NAALADL2: variants seen among roughly 807,000 people sequenced by gnomAD.
NAALADL2 encodes N-acetylated alpha-linked acidic dipeptidase like 2, also known as inactive N-acetylated-alpha-linked acidic dipeptidase-like protein 2.
A neutral mutation model predicts 87.2 loss-of-function variants in NAALADL2; 76 were observed. The ratio of observed to expected loss-of-function variants is 0.87; its 90% CI spans 0.72 to 1.05. NAALADL2 has a LOEUF of 1.05. Ranked by LOEUF, NAALADL2 falls within the 50% of genes least tolerant of loss-of-function variation. The pLI, the probability that NAALADL2 is intolerant of heterozygous loss-of-function variation, is 0.00. For missense variants in NAALADL2, 1,089 were observed against 945.8 expected (o/e 1.15, Z -1.99); for synonymous variants, 354 against 331.0 (o/e 1.07, Z -0.75).
chr3:175,262,931 T>C (rs1463533), intron 4 of NAALADL2, among the ~76,000 whole-genome samples: 6,284 of 151,094 alleles, frequency 0.042, 259 homozygotes, highest in Admixed American at 0.12. Flanking sequence ...CTTGGTACTT[T>C]AAAATAACAT....
chr3:175,699,904 A>G (rs1364928153), intron 11 of NAALADL2, among the ~76,000 whole-genome samples: 1 of 152,164 alleles, frequency 6.6e-6, no homozygotes, highest in East Asian at 1.9e-4. Context: ...GTCAGAGGAC[A>G]GGAGATTCAA....
intron 9 of NAALADL2, among the ~76,000 whole-genome samples, chr3:175,480,960 T>C (rs766292968): frequency 7.2e-5 from 11 of 151,920 alleles, no homozygotes; most frequent in Non-Finnish European, 1.3e-4. Context: ...AAAACATAAT[T>C]CGTCACCTAT....
intron 13 of NAALADL2, among the ~76,000 whole-genome samples, chr3:175,789,824 A>G (rs905391970): frequency 6.6e-6 from 1 of 152,152 alleles, no homozygotes; most frequent in African/African-American, 2.4e-5. Context: ...TGTATTTCAG[A>G]TAGTACCACA....
At chr3:175,539,722 T>C (rs1049160344) in intron 9 of NAALADL2, among the ~76,000 whole-genome samples, 1 of 152,078 alleles carries the variant, frequency 6.6e-6, no homozygotes, top group Admixed American at 6.6e-5. Context: ...GGCAGATTGT[T>C]CATAGTGTTA....
intron 2 of NAALADL2, among the ~76,000 whole-genome samples, chr3:174,655,752 AC>A (rs1724853098): frequency 6.6e-6 from 1 of 152,234 alleles, no homozygotes; most frequent in Non-Finnish European, 1.5e-5. Flanking sequence ...TTAAAAACAT[AC>A]TGTCTATATT....
intron 2 of NAALADL2, among the ~76,000 whole-genome samples, chr3:175,144,566 CT>C (rs1730491674): frequency 6.6e-6 from 1 of 151,912 alleles, no homozygotes; most frequent in African/African-American, 2.4e-5. Context: ...GAGATGGCCA[CT>C]TTTAGCACCT....
At chr3:174,916,671 A>C (rs2108328267) in intron 1 of NAALADL2, among the ~76,000 whole-genome samples, 1 of 152,206 alleles carries the variant, frequency 6.6e-6, no homozygotes, top group African/African-American at 2.4e-5. Flanking sequence ...CTATGAGGAC[A>C]CAGAGGCATA....
chr3:175,359,465 C>G (rs1190085307), intron 5 of NAALADL2, among the ~76,000 whole-genome samples: 7 of 152,018 alleles, frequency 4.6e-5, no homozygotes, highest in African/African-American at 1.7e-4. Context: ...GTGGTAATAA[C>G]TAAAATTCAT....
chr3:174,544,258 C>G (rs1578133416), intron 1 of NAALADL2, among the ~76,000 whole-genome samples: 1 of 152,120 alleles, frequency 6.6e-6, no homozygotes, highest in Non-Finnish European at 1.5e-5. Context: ...TTTTCTAGCT[C>G]TGACATCCAG....
At chr3:175,161,998 G>A (rs1221554812) in intron 2 of NAALADL2, among the ~76,000 whole-genome samples, 1 of 152,044 alleles carries the variant, frequency 6.6e-6, no homozygotes, top group Non-Finnish European at 1.5e-5. Flanking sequence ...CCTGTCTTCT[G>A]TTTTATCACA....
intron 3 of NAALADL2, among the ~76,000 whole-genome samples, chr3:174,824,404 G>A (rs1043593636): frequency 2.0e-5 from 3 of 152,092 alleles, no homozygotes; most frequent in African/African-American, 7.2e-5. Context: ...TTCTGATTTC[G>A]ATTGTGAATT....
chr3:175,718,955 A>C (rs1309604996), intron 11 of NAALADL2, among the ~76,000 whole-genome samples: 1 of 152,310 alleles, frequency 6.6e-6, no homozygotes. Flanking sequence ...TTGTACCAAA[A>C]GGCTAGCATT....
At chr3:174,557,987 T>G (rs910657752) in intron 2 of NAALADL2, among the ~76,000 whole-genome samples, 1 of 152,154 alleles carries the variant, frequency 6.6e-6, no homozygotes, top group African/African-American at 2.4e-5. Flanking sequence ...CCAAGATTTT[T>G]ACTGGGGAGT....
chr3:174,962,422 T>TATGTCATAGTGACTATGAC (rs1742234464), intron 1 of NAALADL2, among the ~76,000 whole-genome samples: 1 of 144,416 alleles, frequency 6.9e-6, no homozygotes, highest in African/African-American at 2.6e-5. Flanking sequence ...CATATATATA[T>TATGTCATAGTGACTATGAC]ATATATATAT....
intron 3 of NAALADL2, among the ~76,000 whole-genome samples, chr3:174,802,885 A>G (rs11850961): frequency 6.6e-6 from 1 of 152,178 alleles, no homozygotes; most frequent in South Asian, 2.1e-4. Context: ...TCTATCATTG[A>G]TGGACATTTG....
At chr3:175,607,572 C>A (rs537910111) in intron 10 of NAALADL2, among the ~76,000 whole-genome samples, 79 of 152,122 alleles carry the variant, frequency 5.2e-4, no homozygotes, top group African/African-American at 1.8e-3. Context: ...ATATGACTTA[C>A]TAGTTCCTGT....
chr3:174,881,180 G>T (rs1160140725), intron 1 of NAALADL2, among the ~76,000 whole-genome samples: 3 of 152,044 alleles, frequency 2.0e-5, no homozygotes, highest in East Asian at 3.9e-4. Context: ...TTGAGGAGCT[G>T]CCATTCAAAC....
intron 5 of NAALADL2, among the ~76,000 whole-genome samples, chr3:175,354,549 AT>A (rs1390428331): frequency 2.0e-5 from 3 of 152,074 alleles, no homozygotes; most frequent in African/African-American, 7.2e-5. Flanking sequence ...TCACATATAC[AT>A]TTTTTCCATG....
At chr3:174,642,282 C>G (rs950878910) in intron 2 of NAALADL2, among the ~76,000 whole-genome samples, 5 of 151,586 alleles carry the variant, frequency 3.3e-5, no homozygotes, top group African/African-American at 1.2e-4. Flanking sequence ...GTGTGGATCA[C>G]TTGAGGTCAG....
Sources: gnomAD v4.1 joint callset for allele counts (sites outside exome capture counted in the v4.1 genomes callset) on GRCh38, gnomAD v4.1.1 for gene constraint, MANE v1.5 for transcripts, NCBI Gene and HGNC (gene_info 2026-07-23, HGNC 2026-07-21) for gene names.